The following ALPK1 variants were observed in gnomAD, a reference collection of about 807,000 sequenced individuals.
ALPK1 encodes the protein alpha kinase 1.
Under a neutral mutation model 120.6 loss-of-function variants are expected in ALPK1, and 110 were observed. The ratio of observed to expected loss-of-function variants is 0.91; its 90% CI spans 0.78 to 1.07. The LOEUF is 1.07. Ranked by LOEUF, ALPK1 falls within the 50% of genes least tolerant of loss-of-function variation. The pLI is 0.00. For missense variants in ALPK1, 1,498 were observed against 1,483.9 expected, an observed-to-expected ratio of 1.01 and a Z score of -0.16; for synonymous variants, 582 against 560.3, an observed-to-expected ratio of 1.04 and a Z score of -0.55.
At chr4:112,434,111 T>C (rs548428410) in intron 11 of ALPK1, among the ~76,000 whole-genome samples, 6 of 152,372 alleles carry the variant, frequency 3.9e-5, no homozygotes, top group African/African-American at 1.2e-4. Flanking sequence ...TGGAATCACA[T>C]TTATTACAAT....
At chr4:112,309,076 A>G (rs1361172743) in intron 1 of ALPK1, among the ~76,000 whole-genome samples, 2 of 152,122 alleles carry the variant, frequency 1.3e-5, no homozygotes, top group African/African-American at 2.4e-5. Flanking sequence ...ATTGCTGAAC[A>G]GCAAATGTTG....
At chr4:112,440,420 T>C in intron 14 of ALPK1, among the ~76,000 whole-genome samples, 1 of 152,220 alleles carries the variant, frequency 6.6e-6, no homozygotes, top group East Asian at 1.9e-4. Context: ...AAATACCCTA[T>C]ACTTCATGTA....
chr4:112,402,441 A>G (rs1732960177), intron 4 of ALPK1, among the ~76,000 whole-genome samples: 1 of 152,254 alleles, frequency 6.6e-6, no homozygotes, highest in Non-Finnish European at 1.5e-5. Context: ...AAGAGCCCTT[A>G]GAAAAGGCTC....
chr4:112,369,812 G>C (rs558087167), intron 2 of ALPK1, among the ~76,000 whole-genome samples: 1 of 152,310 alleles, frequency 6.6e-6, no homozygotes, highest in African/African-American at 2.4e-5. Context: ...AATTTAAATT[G>C]AGCTTGCAGA....
chr4:112,331,803 T>C (rs1729379883), intron 2 of ALPK1, among the ~76,000 whole-genome samples: 1 of 152,206 alleles, frequency 6.6e-6, no homozygotes, highest in African/African-American at 2.4e-5. Context: ...TGAAGTCTGA[T>C]CTTGTATATA....
chr4:112,343,960 A>G (rs1470433116), intron 2 of ALPK1, among the ~76,000 whole-genome samples: 6 of 152,202 alleles, frequency 3.9e-5, no homozygotes, highest in Non-Finnish European at 7.3e-5. Flanking sequence ...ATTTATGCCA[A>G]TGAGCCCCCT....
intron 2 of ALPK1, among the ~76,000 whole-genome samples, chr4:112,338,009 C>A (rs1360542255): frequency 1.3e-5 from 2 of 152,144 alleles, no homozygotes; most frequent in Admixed American, 1.3e-4. Context: ...CTCTGTCGCC[C>A]AGGCTGGAGT....
intron 8 of ALPK1, among the ~76,000 whole-genome samples, chr4:112,427,215 C>T (rs1734273938): frequency 6.6e-6 from 1 of 152,150 alleles, no homozygotes; most frequent in South Asian, 2.1e-4. Flanking sequence ...CCCATGTGCC[C>T]TAGGATGTGT....
rs1218287537 is a variant in ALPK1, at chr4:112,385,541, TGACTTTTAG to T, written c.276+2992_276+3000del. Among the ~76,000 whole-genome samples, 20 of 152,328 alleles carry T rather than the reference TGACTTTTAG, an allele frequency of 1.3e-4. No individual in the cohort carries two copies. The East Asian group carries it at 2.5e-3, about 19-fold the overall frequency. On this transcript the variant is annotated intron_variant, in intron 4 of 15. Transcript: ENST00000650871. ...TAAATTAAGCAACCGCACCTCCTAA[TGACTTTTAG>T]GATGTTCTCCTATTGTGCCAGACCC...
At position 112,431,601 on chromosome 4, in the gene ALPK1, C is replaced by T. The variant is rs777061435; in HGVS notation, c.2054C>T (p.Ala685Val). The change falls in exon 11 of 16, where the codon GCC becomes GTC. Residue 685 changes from alanine (A) to valine (V), a missense_variant. Physicochemically the swap from Ala to Val is moderately conservative, Grantham distance 64. Coordinates refer to ENST00000650871, the MANE Select transcript of ALPK1 (RefSeq NM_025144.4). Reference protein sequence around the residue: ...SPHNTPGIFLAPGAGLLEGAP... With the variant: ...SPHNTPGIFLVPGAGLLEGAP... ...CATAATACCCCAGGCATTTTCTTGG[C>T]CCCTGGTGCAGGGCTTCTAGAAGGA... is the stretch of plus-strand genomic sequence containing the variant. 6.2e-7 allele frequency: 1 copy of T among 1,614,000 alleles called. No individual in the cohort carries two copies. Among genetic ancestry groups the T allele is most frequent in the African/African-American group, 1.3e-5 (1 of 74,888 alleles).
intron 2 of ALPK1, chr4:112,359,197 G>A (rs1195313785): frequency 3.1e-5 from 19 of 606,208 alleles, no homozygotes; most frequent in Non-Finnish European, 5.7e-5. Context: ...CCCCCCACAG[G>A]AGACCCTGGC....
intron 2 of ALPK1, among the ~76,000 whole-genome samples, chr4:112,354,255 A>G (rs1435552701): frequency 6.6e-6 from 1 of 151,990 alleles, no homozygotes; most frequent in African/African-American, 2.4e-5. Flanking sequence ...TCAAGCAATT[A>G]AAAATTTATT....
intron 2 of ALPK1, chr4:112,358,823 T>C (rs1371084231): frequency 1.2e-6 from 1 of 815,474 alleles, no homozygotes; most frequent in African/African-American, 1.7e-5. Flanking sequence ...AAGCCAACTT[T>C]GCCACCTTCA....
chr4:112,341,404 C>T (rs1194721313), intron 2 of ALPK1, among the ~76,000 whole-genome samples: 1 of 152,132 alleles, frequency 6.6e-6, no homozygotes, highest in Non-Finnish European at 1.5e-5. Flanking sequence ...CTTCTTTTGG[C>T]CATTTTCAGA....
chr4:112,411,080 A>C (rs1733430262), intron 4 of ALPK1: 1 of 154,858 alleles, frequency 6.5e-6, no homozygotes, highest in Non-Finnish European at 1.5e-5. Flanking sequence ...CGATCAATTA[A>C]TGTCTAAATA....
At chr4:112,427,818 T>C (rs1207341434) in intron 9 of ALPK1, 153 bp downstream of exon 9, 1 of 616,554 alleles carries the variant, frequency 1.6e-6, no homozygotes, top group Non-Finnish European at 2.9e-6. Flanking sequence ...GGAGGAGTCT[T>C]GTGGGGTCCT....
rs950338171 is a variant in ALPK1 at position 112,386,042 on chromosome 4, G to A, written c.276+3490G>A. Reference sequence around the variant, plus strand: ...TGAGAACAGAATGCTTAAGAAAAAGGCAAGTCACAAACAACTGTTTTCCAC... The same window carrying A: ...TGAGAACAGAATGCTTAAGAAAAAGACAAGTCACAAACAACTGTTTTCCAC... On this transcript the variant is annotated intron_variant, in intron 4 of 15. Transcript: ENST00000650871. Among the ~76,000 whole-genome samples the A allele has an allele frequency of 2.0e-5, 3 of 152,130 alleles. No homozygotes were observed. In the East Asian group the frequency reaches 5.8e-4, roughly 29 times the overall value.
At chr4:112,335,210 C>T (rs994124830) in intron 2 of ALPK1, among the ~76,000 whole-genome samples, 15 of 149,226 alleles carry the variant, frequency 1.0e-4, no homozygotes, top group Admixed American at 2.7e-4. Context: ...GAGTCAAGAT[C>T]GTGCCATTGC....
At chr4:112,380,499 C>T (rs1560662143) in intron 3 of ALPK1, among the ~76,000 whole-genome samples, 1 of 152,206 alleles carries the variant, frequency 6.6e-6, no homozygotes, top group Non-Finnish European at 1.5e-5. Flanking sequence ...GATATCCCCT[C>T]AATGCCAAAC....
Sources: gnomAD v4.1 joint callset for allele counts (sites outside exome capture counted in the v4.1 genomes callset) on GRCh38, gnomAD v4.1.1 for gene constraint, MANE v1.5 for transcripts, NCBI Gene and HGNC (gene_info 2026-07-23, HGNC 2026-07-21) for gene names.